CD86: variants seen among roughly 807,000 people sequenced by gnomAD.
CD86 encodes the protein CD86 molecule, also known as T-lymphocyte activation antigen CD86.
In CD86, 11 loss-of-function variants were observed where a neutral mutation model predicts 32.1. That is an observed-to-expected ratio of 0.34 (90% confidence interval 0.22 to 0.57). CD86 has a LOEUF of 0.57. Among genes scored for constraint, CD86 ranks in the 20% least tolerant of loss-of-function variants. The pLI is 0.86. For missense variants in CD86, 359 were observed against 398.4 expected, an observed-to-expected ratio of 0.90 and a Z score of 0.84; for synonymous variants, 137 against 135.3, an observed-to-expected ratio of 1.01 and a Z score of -0.09.
intron 1 of CD86, among the ~76,000 whole-genome samples, chr3:122,084,604 C>T (rs1275644771): frequency 2.6e-5 from 4 of 152,022 alleles, no homozygotes; most frequent in East Asian, 3.8e-4. Flanking sequence ...GTGGAAGGCT[C>T]AGCTGGGACC....
intron 1 of CD86, among the ~76,000 whole-genome samples, chr3:122,075,134 T>C (rs2072539127): frequency 6.6e-6 from 1 of 151,286 alleles, no homozygotes; most frequent in African/African-American, 2.4e-5. Context: ...CCCCTGCAAC[T>C]GTTGAAAGGC....
chr3:122,059,535 CAAAA>C (rs35060876), intron 1 of CD86, among the ~76,000 whole-genome samples: 1 of 67,942 alleles, frequency 1.5e-5, no homozygotes, highest in Admixed American at 1.7e-4. Flanking sequence ...GACTCCGTCT[CAAAA>C]AAAAAAAAAA....
intron 3 of CD86, among the ~76,000 whole-genome samples, chr3:122,104,195 C>G (rs541446705): frequency 6.6e-6 from 1 of 152,124 alleles, no homozygotes; most frequent in Non-Finnish European, 1.5e-5. Flanking sequence ...CCATAAAGGC[C>G]TCAGATGTCT....
chr3:122,101,064 C>A (rs1292715057), intron 2 of CD86, among the ~76,000 whole-genome samples: 2 of 152,064 alleles, frequency 1.3e-5, no homozygotes, highest in East Asian at 3.9e-4. Flanking sequence ...GTATAAATTG[C>A]AAAATACTTT....
At chr3:122,098,484 A>G (rs2072944176) in intron 2 of CD86, among the ~76,000 whole-genome samples, 1 of 152,100 alleles carries the variant, frequency 6.6e-6, no homozygotes, top group Admixed American at 6.5e-5. Flanking sequence ...TGGGGACCCA[A>G]TTACATGAGG....
rs1030142331 is a variant in CD86 at position 122,090,153 on chromosome 3, A to G, written c.15-1448A>G. Among the ~76,000 whole-genome samples, 3 of 152,276 alleles carry G rather than the reference A, an allele frequency of 2.0e-5. No homozygotes were observed. In the East Asian group the frequency reaches 5.8e-4, roughly 29 times the overall value. ...ATCACCTTTATCTTTCAAATTTAGT[A>G]CCATCTACATTTAGTACCATGATCT... On this transcript the variant is annotated intron_variant, in intron 1 of 6. Transcript: ENST00000330540.
Position 122,115,740 on chromosome 3 carries a change from CAAAAAAAAAAAAAAAAAA to C in CD86, c.848-2298_848-2281del, listed in dbSNP as rs769868417. Among the ~76,000 whole-genome samples the C allele has an allele frequency of 2.7e-3, 73 of 27,544 alleles. 2 individuals are homozygous for C. The South Asian group carries it at 0.12, about 46-fold the overall frequency. The allele number at this position is 27,544 out of a possible 152,430, so 18.1% of individuals were successfully genotyped here. On this transcript the variant is annotated intron_variant, in intron 5 of 6. Coordinates refer to ENST00000330540, the MANE Select transcript of CD86 (RefSeq NM_175862.5). The stretch of plus-strand genomic sequence containing the variant: ...GGGCAACAAGAGTGAAACTCCCTCT[CAAAAAAAAAAAAAAAAAA>C]AAAAAAAAAGAACAAAGGTGGACTT...
chr3:122,120,409 G>GAA lies in CD86; in HGVS notation c.*880_*881dup, dbSNP rs2073326193. ...ACAATACTCAAAAGAGAGAGAGAGAGAAAAAAGAGAGATCTTGATCCACAG... is the reference window on the plus strand; with the variant it reads ...ACAATACTCAAAAGAGAGAGAGAGAGAAAAAAAAGAGAGATCTTGATCCACAG... On this transcript the variant is annotated 3_prime_UTR_variant, in exon 7 of 7. Transcript: ENST00000330540. 2.6e-5 allele frequency: 4 copies of GAA among 152,228 alleles called. No homozygotes were observed. The highest frequency in any genetic ancestry group is 2.1e-4 in the South Asian group (1 of 4,822). The allele number at this position is 152,228 out of a possible 1,614,324, so 9.4% of individuals were successfully genotyped here.
At chr3:122,073,600 C>G (rs1340487175) in intron 1 of CD86, among the ~76,000 whole-genome samples, 1 of 152,126 alleles carries the variant, frequency 6.6e-6, no homozygotes, top group African/African-American at 2.4e-5. Context: ...CAGGTGATGT[C>G]AGGGAACTAT....
intron 1 of CD86, among the ~76,000 whole-genome samples, chr3:122,079,365 C>A (rs917185074): frequency 4.6e-5 from 7 of 152,110 alleles, no homozygotes; most frequent in Admixed American, 4.6e-4. Context: ...TAAGCCAAGC[C>A]AGATTCTTCA....
intron 1 of CD86, among the ~76,000 whole-genome samples, chr3:122,062,316 A>G (rs1398089427): frequency 6.6e-6 from 1 of 152,182 alleles, no homozygotes; most frequent in Non-Finnish European, 1.5e-5. Flanking sequence ...TGTCAACAAT[A>G]TCAAGAGTCT....
rs113346267 is a variant in CD86 at position 122,119,580 on chromosome 3, C to A, written c.*46C>A. 8.2e-7 allele frequency: 1 copy of A among 1,219,318 alleles called. No individual in the cohort carries two copies. Among genetic ancestry groups the A allele is most frequent in the Admixed American group, 1.8e-5 (1 of 54,526 alleles). 75.5% of individuals were successfully genotyped at this position (1,219,318 alleles called of 1,614,324 possible). Reference sequence around the variant, plus strand: ...AAGTATTCATTTTTTCTACCCTTTCCTTTGTAAGTTCCTGGGCAACCTTTT... The same window carrying A: ...AAGTATTCATTTTTTCTACCCTTTCATTTGTAAGTTCCTGGGCAACCTTTT... On this transcript the variant is annotated 3_prime_UTR_variant, in exon 7 of 7. Transcript: ENST00000330540.
intron 1 of CD86, among the ~76,000 whole-genome samples, chr3:122,084,069 C>T (rs1306640187): frequency 6.6e-6 from 1 of 152,178 alleles, no homozygotes; most frequent in Non-Finnish European, 1.5e-5. Context: ...TCATCGCAAG[C>T]TCTGCCTCCC....
In CD86 at chr3:122,101,508, A is replaced by AT. The variant is rs1379367206; in HGVS notation, c.65-2004_65-2003insT. Among the ~76,000 whole-genome samples the AT allele has an allele frequency of 7.8e-3, 316 of 40,264 alleles. 1 individual carries two copies. The East Asian group carries it at 0.097, about 12-fold the overall frequency. The allele number at this position is 40,264 out of a possible 152,430, so 26.4% of individuals were successfully genotyped here. A position where few individuals can be genotyped will look rare whatever the true frequency, so the allele number is the denominator to read the frequency against. On this transcript the variant is annotated intron_variant, in intron 2 of 6. Transcript: ENST00000330540. ...TGAGGCTCTACAGAAAAAAAAAAAA[A>AT]AAAAAATATATATATATATATATAT...
chr3:122,110,092 A>G (rs1006842778), intron 5 of CD86, among the ~76,000 whole-genome samples: 4 of 152,224 alleles, frequency 2.6e-5, no homozygotes, highest in African/African-American at 9.6e-5. Flanking sequence ...TGGATAATAT[A>G]TGTACTGTGT....
At chr3:122,097,911 C>A (rs1052649308) in intron 2 of CD86, among the ~76,000 whole-genome samples, 6 of 152,070 alleles carry the variant, frequency 3.9e-5, no homozygotes, top group Non-Finnish European at 7.4e-5. Context: ...GATAAAGAGA[C>A]CTAAGAATGA....
intron 1 of CD86, among the ~76,000 whole-genome samples, chr3:122,075,915 T>C (rs901795756): frequency 6.6e-6 from 1 of 152,212 alleles, no homozygotes; most frequent in Admixed American, 6.5e-5. Flanking sequence ...ACCATATATA[T>C]GCCATGTTAT....
chr3:122,086,525 T>G, intron 1 of CD86: 1 of 453,222 alleles, frequency 2.2e-6, no homozygotes, highest in Non-Finnish European at 4.5e-6. Flanking sequence ...GTAGTCATAT[T>G]TCCCCAGAGC....
intron 1 of CD86, among the ~76,000 whole-genome samples, chr3:122,062,378 A>G (rs1029802682): frequency 1.2e-4 from 19 of 152,326 alleles, no homozygotes; most frequent in Non-Finnish European, 1.8e-4. Flanking sequence ...CAATTTCTCC[A>G]TGTCCTTAGT....
Sources: gnomAD v4.1 joint callset for allele counts (sites outside exome capture counted in the v4.1 genomes callset) on GRCh38, gnomAD v4.1.1 for gene constraint, MANE v1.5 for transcripts, NCBI Gene and HGNC (gene_info 2026-07-23, HGNC 2026-07-21) for gene names.